PKP1: variants seen among roughly 807,000 people sequenced by gnomAD.
PKP1 encodes the protein plakophilin-1.
In PKP1, 27 loss-of-function variants were observed where a neutral mutation model predicts 76.4. The ratio of observed to expected loss-of-function variants is 0.35; its 90% CI spans 0.26 to 0.49. PKP1 has a LOEUF of 0.49. Among genes scored for constraint, PKP1 ranks in the 20% least tolerant of loss-of-function variants. The pLI is 0.99. For synonymous variants in PKP1, 404 were observed against 384.2 expected, an observed-to-expected ratio of 1.05 and a Z score of -0.60; for missense variants, 964 against 955.2, an observed-to-expected ratio of 1.01 and a Z score of -0.12.
At chr1:201,323,840 C>T (rs1448072772) in intron 9 of PKP1, among the ~76,000 whole-genome samples, 1 of 152,140 alleles carries the variant, frequency 6.6e-6, no homozygotes, top group Non-Finnish European at 1.5e-5. Flanking sequence ...CCAAACCCAC[C>T]TAGACCTGTT....
At chr1:201,289,685 A>G (rs1655853376) in intron 1 of PKP1, among the ~76,000 whole-genome samples, 1 of 117,776 alleles carries the variant, frequency 8.5e-6, no homozygotes, top group African/African-American at 4.0e-5. Context: ...TTCTGGGAGG[A>G]GTGCACACAC....
intron 8 of PKP1, 64 bp from the exon 9 acceptor site, chr1:201,322,949 T>A: frequency 4.6e-6 from 7 of 1,530,498 alleles, no homozygotes; most frequent in Non-Finnish European, 6.3e-6. Flanking sequence ...GGGGACAGAA[T>A]GCCTGGGTTG....
chr1:201,315,348 A>G (rs1044365869), intron 3 of PKP1, among the ~76,000 whole-genome samples: 1 of 152,232 alleles, frequency 6.6e-6, no homozygotes, highest in African/African-American at 2.4e-5. Flanking sequence ...CTAGAAATGA[A>G]GTTGGGCTGC....
chr1:201,294,265 A>G (rs1656014252), intron 2 of PKP1, among the ~76,000 whole-genome samples: 1 of 152,242 alleles, frequency 6.6e-6, no homozygotes, highest in African/African-American at 2.4e-5. Flanking sequence ...TCAAATGATA[A>G]TATTTTAGGA....
In PKP1 at chr1:201,330,952, G is replaced by T. The variant is rs1348364885; in HGVS notation, c.*911G>T. The stretch of plus-strand genomic sequence containing the variant: ...AATCTACTTGTTGCAGGAGAAAGAA[G>T]GTAAAAAATGATTTTTTTAAGAAAA... On this transcript the variant is annotated 3_prime_UTR_variant, in exon 14 of 14. Transcript: ENST00000367324. 6.6e-6 allele frequency: 1 copy of T among 152,168 alleles called. No individual in the cohort carries two copies. Among genetic ancestry groups the T allele is most frequent in the Non-Finnish European group, 1.5e-5 (1 of 68,020 alleles). The allele number at this position is 152,168 out of a possible 1,614,324, so 9.4% of individuals were successfully genotyped here.
At chr1:201,312,586 C>T (rs1160396233) in intron 2 of PKP1, among the ~76,000 whole-genome samples, 1 of 152,192 alleles carries the variant, frequency 6.6e-6, no homozygotes, top group Non-Finnish European at 1.5e-5. Flanking sequence ...CGACAGCACC[C>T]ACGTAAAGAA....
intron 2 of PKP1, among the ~76,000 whole-genome samples, chr1:201,306,312 C>T (rs911865853): frequency 6.6e-6 from 1 of 152,206 alleles, no homozygotes. Flanking sequence ...CACCAGGTGT[C>T]GGCTAGGCGC....
At position 201,316,696 on chromosome 1, in the gene PKP1, A is replaced by G. The variant is rs755668320; in HGVS notation, c.845A>G (p.Gln282Arg). The change falls in exon 4 of 14, where the codon CAG becomes CGG. Residue 282 changes from glutamine to arginine, a missense_variant and splice_region_variant. Gln to Arg is a conservative substitution (Grantham distance 43). Coordinates refer to ENST00000367324, the MANE Select transcript of PKP1 (RefSeq NM_001005337.3). Reference protein sequence around the residue: ...TCFQDESAKQQVYQLGGICKL... With the variant: ...TCFQDESAKQRVYQLGGICKL... ...TTCCAGGATGAATCTGCCAAGCAAC[A>G]GGTAGCTGGTTGCATACCTTCCTCC... The G allele has an allele frequency of 1.2e-6, 2 of 1,613,686 alleles. No individual in the cohort carries two copies. Among genetic ancestry groups the G allele is most frequent in the Non-Finnish European group, 1.7e-6 (2 of 1,180,000 alleles).
rs186694065 is a variant in PKP1, at chr1:201,290,051, G to A, written c.203-3891G>A. Among the ~76,000 whole-genome samples the A allele has an allele frequency of 2.6e-3, 401 of 152,248 alleles. 4 individuals are homozygous for A. The highest frequency in any genetic ancestry group is 9.1e-3 in the African/African-American group (377 of 41,524). On this transcript the variant is annotated intron_variant, in intron 1 of 13. Coordinates refer to ENST00000367324, the MANE Select transcript of PKP1 (RefSeq NM_001005337.3). ...GAAGGAGCTGCCTCCAGTTTCAAAG[G>A]TTTTGAGGCGAGAAAGCTTGAGTTG...
chr1:201,298,804 G>A (rs1656141746), intron 2 of PKP1, among the ~76,000 whole-genome samples: 1 of 152,218 alleles, frequency 6.6e-6, no homozygotes, highest in South Asian at 2.1e-4. Flanking sequence ...TGATATGTCT[G>A]TATTTGACGA....
intron 7 of PKP1, 29 bp from the exon 8 acceptor site, chr1:201,321,949 T>C (rs762054839): frequency 1.4e-5 from 22 of 1,613,130 alleles, no homozygotes; most frequent in Non-Finnish European, 1.8e-5. Context: ...GGGCAGAGGC[T>C]CAGGCCCATG....
chr1:201,284,724 C>T (rs1362424723), intron 1 of PKP1, among the ~76,000 whole-genome samples: 1 of 152,208 alleles, frequency 6.6e-6, no homozygotes, highest in African/African-American at 2.4e-5. Flanking sequence ...TTACCCCACC[C>T]AGCTTAGGTA....
chr1:201,289,033 C>T (rs1234163843), intron 1 of PKP1, among the ~76,000 whole-genome samples: 2 of 152,216 alleles, frequency 1.3e-5, no homozygotes, highest in African/African-American at 2.4e-5. Flanking sequence ...ACTCCTTGCC[C>T]TCCCCATCTC....
intron 6 of PKP1, chr1:201,319,786 G>A (rs895902110): frequency 1.2e-6 from 2 of 1,612,558 alleles, no homozygotes; most frequent in Non-Finnish European, 1.7e-6. Flanking sequence ...TTCTGATCCA[G>A]CATCAACAGG....
chr1:201,308,694 G>C (rs931913456), intron 2 of PKP1, among the ~76,000 whole-genome samples: 1 of 152,048 alleles, frequency 6.6e-6, no homozygotes, highest in Admixed American at 6.6e-5. Context: ...GCTTAGAGGG[G>C]TGTGCTGGGG....
chr1:201,322,179 C>A (rs779558193), intron 8 of PKP1, 46 bp downstream of exon 8: 3 of 1,594,422 alleles, frequency 1.9e-6, no homozygotes, highest in Non-Finnish European at 1.7e-6. Context: ...TCAAGCACCC[C>A]CCCAGGAGCC....
chr1:201,316,453 A>G, intron 3 of PKP1, 100 bp from the exon 4 acceptor site: 1 of 1,298,854 alleles, frequency 7.7e-7, no homozygotes, highest in Non-Finnish European at 1.1e-6. Context: ...CAGAGGGCAG[A>G]TGAGGCTGTG....
Position 201,324,981 on chromosome 1 carries a change from C to T in PKP1, c.1875C>T (p.Ser625=). The T allele has an allele frequency of 1.2e-6, 2 of 1,613,844 alleles. No individual in the cohort carries two copies. The highest frequency in any genetic ancestry group is 1.7e-5 in the Admixed American group (1 of 60,026). The change falls in exon 11 of 14, where the codon AGC becomes AGT. Residue 625 remains serine, a synonymous_variant. Coordinates refer to ENST00000367324, the MANE Select transcript of PKP1 (RefSeq NM_001005337.3). ...CGGAGGTGACCAGGCTCCTCACCAG[C>T]CACACTGGCAATACCAGCAACTCCG... ...VFPEVTRLLT[S]HTGNTSNSED... is the part of the protein sequence containing the mutation.
chr1:201,320,397 G>C lies in PKP1; in HGVS notation c.1347+16G>C. 1.3e-6 allele frequency: 2 copies of C among 1,529,300 alleles called. No homozygotes were observed. Among genetic ancestry groups the C allele is most frequent in the Middle Eastern group, 1.7e-4 (1 of 5,928 alleles). 94.7% of individuals were successfully genotyped at this position (1,529,300 alleles called of 1,614,324 possible). On this transcript the variant is annotated intron_variant, in intron 7 of 13. Transcript: ENST00000367324. ...TGACGACAAGGTGAGTGCATCCCCTGGTGGCACCCTGACCCCTAGGCCCAG... is the reference window on the plus strand; with the variant it reads ...TGACGACAAGGTGAGTGCATCCCCTCGTGGCACCCTGACCCCTAGGCCCAG...
Sources: gnomAD v4.1 joint callset for allele counts (sites outside exome capture counted in the v4.1 genomes callset) on GRCh38, gnomAD v4.1.1 for gene constraint, MANE v1.5 for transcripts, NCBI Gene and HGNC (gene_info 2026-07-23, HGNC 2026-07-21) for gene names.